INPP4B: variants seen among roughly 807,000 people sequenced by gnomAD.
INPP4B encodes the protein inositol polyphosphate 4-phosphatase type II.
Under a neutral mutation model 122.5 loss-of-function variants are expected in INPP4B, and 55 were observed. The observed-to-expected ratio is 0.45, with a 90% confidence interval of 0.36 to 0.56. INPP4B has a LOEUF of 0.56. Among genes scored for constraint, INPP4B ranks in the 20% least tolerant of loss-of-function variants. The probability of loss-of-function intolerance (pLI) is 0.00; values close to 1 mark genes in which losing one functional copy is unlikely to be tolerated. For missense variants in INPP4B, 1,000 were observed against 1,097.7 expected, an observed-to-expected ratio of 0.91 and a Z score of 1.26; for synonymous variants, 403 against 388.7, an observed-to-expected ratio of 1.04 and a Z score of -0.43.
intron 1 of INPP4B, among the ~76,000 whole-genome samples, chr4:142,818,960 G>T (rs1479010675): frequency 6.6e-6 from 1 of 152,088 alleles, no homozygotes; most frequent in East Asian, 1.9e-4. Context: ...TTTCCAATTT[G>T]GTTTATTGCC....
chr4:142,382,491 A>G lies in INPP4B; in HGVS notation c.372+20447T>C, dbSNP rs571465884. ...GCCATTGCACTCCAGCCTGGATGAC[A>G]GTGAGACTCCGTTTCAAAAAAAACA... On this transcript the variant is annotated intron_variant, in intron 7 of 25. Coordinates refer to ENST00000262992, the MANE Select transcript of INPP4B (RefSeq NM_001101669.3). 3.3e-5 allele frequency among the ~76,000 whole-genome samples: 5 copies of G among 150,808 alleles called. No homozygotes were observed. In the East Asian group the frequency reaches 9.7e-4, roughly 29 times the overall value.
intron 21 of INPP4B, among the ~76,000 whole-genome samples, chr4:142,116,861 A>C (rs1272952921): frequency 1.3e-5 from 2 of 152,186 alleles, no homozygotes; most frequent in African/African-American, 2.4e-5. Flanking sequence ...CAAAAAAAGC[A>C]ATGAATCCAG....
intron 2 of INPP4B, among the ~76,000 whole-genome samples, chr4:142,571,724 T>C (rs948473542): frequency 6.6e-6 from 1 of 152,112 alleles, no homozygotes; most frequent in Non-Finnish European, 1.5e-5. Flanking sequence ...AATAAAATGA[T>C]ATTTTGAGGG....
intron 10 of INPP4B, among the ~76,000 whole-genome samples, chr4:142,269,267 G>C (rs1433434920): frequency 2.0e-5 from 3 of 149,792 alleles, no homozygotes; most frequent in African/African-American, 7.4e-5. Context: ...CCTCACTATG[G>C]GACCACTTAC....
At chr4:142,218,633 A>G (rs1200454255) in intron 12 of INPP4B, among the ~76,000 whole-genome samples, 2 of 152,172 alleles carry the variant, frequency 1.3e-5, no homozygotes, top group African/African-American at 2.4e-5. Context: ...TTTTTCCACA[A>G]TGAGCTCTAT....
intron 9 of INPP4B, among the ~76,000 whole-genome samples, chr4:142,276,047 C>T (rs1748246106): frequency 6.6e-6 from 1 of 151,738 alleles, no homozygotes; most frequent in East Asian, 1.9e-4. Flanking sequence ...AAAAATATTC[C>T]TCCTCTACCT....
At chr4:142,474,585 C>A (rs1054256060) in intron 2 of INPP4B, among the ~76,000 whole-genome samples, 3 of 152,166 alleles carry the variant, frequency 2.0e-5, no homozygotes, top group Admixed American at 2.0e-4. Context: ...CTGTGTGAAC[C>A]TAGCTGGAGG....
intron 2 of INPP4B, among the ~76,000 whole-genome samples, chr4:142,489,420 G>A (rs1048518741): frequency 1.6e-4 from 24 of 152,192 alleles, no homozygotes; most frequent in African/African-American, 5.5e-4. Context: ...TTGAGATGGA[G>A]TCTCCCTCTG....
chr4:142,319,025 C>T (rs923247922), intron 7 of INPP4B, among the ~76,000 whole-genome samples: 1 of 152,150 alleles, frequency 6.6e-6, no homozygotes, highest in African/African-American at 2.4e-5. Context: ...GAGGACTGCT[C>T]CATTTTTTGC....
intron 21 of INPP4B, among the ~76,000 whole-genome samples, chr4:142,120,416 T>C (rs909749012): frequency 6.6e-6 from 1 of 152,098 alleles, no homozygotes; most frequent in African/African-American, 2.4e-5. Flanking sequence ...ATAGATCAAT[T>C]ATGGAGAATT....
chr4:142,605,814 G>A (rs1233691701), intron 2 of INPP4B, among the ~76,000 whole-genome samples: 4 of 151,718 alleles, frequency 2.6e-5, no homozygotes, highest in Non-Finnish European at 5.9e-5. Flanking sequence ...ATCTAAATTA[G>A]TACAACCACT....
chr4:142,575,832 A>C (rs1207961193), intron 2 of INPP4B, among the ~76,000 whole-genome samples: 1 of 152,000 alleles, frequency 6.6e-6, no homozygotes, highest in Non-Finnish European at 1.5e-5. Flanking sequence ...TGATAATTAC[A>C]CTCTACCATT....
chr4:142,643,059 A>C (rs981598912), intron 2 of INPP4B, among the ~76,000 whole-genome samples: 1 of 150,726 alleles, frequency 6.6e-6, no homozygotes. Context: ...TCATGATTTG[A>C]CTCTCTCTTT....
chr4:142,130,229 G>T (rs1451967062), intron 18 of INPP4B, among the ~76,000 whole-genome samples: 7 of 152,182 alleles, frequency 4.6e-5, no homozygotes, highest in African/African-American at 1.7e-4. Context: ...GGCTTTGTAG[G>T]AATAGAGACT....
At chr4:142,142,787 A>G (rs28537368) in intron 18 of INPP4B, among the ~76,000 whole-genome samples, 12,432 of 152,156 alleles carry the variant, frequency 0.082, 1,810 homozygotes, top group African/African-American at 0.28. Flanking sequence ...TGTTGTCACC[A>G]CAAGGAATGA....
chr4:142,642,989 T>C (rs1268477736), intron 2 of INPP4B, among the ~76,000 whole-genome samples: 1 of 152,210 alleles, frequency 6.6e-6, no homozygotes, highest in Non-Finnish European at 1.5e-5. Flanking sequence ...TTCACATCCC[T>C]TGTAAGTTGG....
chr4:142,715,635 G>A (rs777816141), intron 2 of INPP4B, among the ~76,000 whole-genome samples: 39 of 152,314 alleles, frequency 2.6e-4, no homozygotes, highest in Non-Finnish European at 4.9e-4. Flanking sequence ...GCAGTACCAG[G>A]TAGAGCAGGG....
chr4:142,695,375 C>G (rs915460285), intron 2 of INPP4B, among the ~76,000 whole-genome samples: 1 of 152,034 alleles, frequency 6.6e-6, no homozygotes, highest in African/African-American at 2.4e-5. Flanking sequence ...AATTGAATAG[C>G]AATTTTGTTT....
chr4:142,256,919 C>A (rs531297943), intron 11 of INPP4B, among the ~76,000 whole-genome samples: 1 of 152,162 alleles, frequency 6.6e-6, no homozygotes, highest in South Asian at 2.1e-4. Context: ...GAATTTTAGA[C>A]CAATATCTCT....
Sources: gnomAD v4.1 joint callset for allele counts (sites outside exome capture counted in the v4.1 genomes callset) on GRCh38, gnomAD v4.1.1 for gene constraint, MANE v1.5 for transcripts, NCBI Gene and HGNC (gene_info 2026-07-23, HGNC 2026-07-21) for gene names.